Variants in YIPF4 observed in about 807,000 individuals in gnomAD.
The protein encoded by YIPF4 is Yip1 domain family member 4.
YIPF4 carries 18 observed loss-of-function variants against 29.4 expected under a neutral mutation model. The observed-to-expected ratio is 0.61, with a 90% CI of 0.42 to 0.91. YIPF4 has a LOEUF of 0.91. Ranked by LOEUF, YIPF4 falls within the 40% of genes least tolerant of loss-of-function variation. The pLI, the probability that YIPF4 is intolerant of heterozygous loss-of-function variation, is 0.00. For synonymous variants in YIPF4, 115 were observed against 104.7 expected, an observed-to-expected ratio of 1.10 and a Z score of -0.60; for missense variants, 279 against 282.7, an observed-to-expected ratio of 0.99 and a Z score of 0.09.
At position 32,278,223 on chromosome 2, in the gene YIPF4, C is replaced by T; in HGVS notation, c.68C>T (p.Ala23Val). Reference sequence around the variant, plus strand: ...GGGGACTTCACCTTTGTCTCCTCAGCAGACGCGGAAGGTGAGGCTGAGCCC... The same window carrying T: ...GGGGACTTCACCTTTGTCTCCTCAGTAGACGCGGAAGGTGAGGCTGAGCCC... ...TNGDFTFVSSADAEDLSGSIA... is the reference protein window; with the variant it reads ...TNGDFTFVSSVDAEDLSGSIA... Residue 23 changes from alanine to valine, a missense_variant, in exon 1 of 6, where the codon GCA (alanine) becomes GTA (valine). By Grantham distance (64) the Ala-to-Val change is moderately conservative. Transcript: ENST00000238831. 6.4e-7 allele frequency: 1 copy of T among 1,565,802 alleles called. No individual in the cohort carries two copies. Among genetic ancestry groups the T allele is most frequent in the South Asian group, 1.2e-5 (1 of 85,136 alleles).
intron 3 of YIPF4, among the ~76,000 whole-genome samples, chr2:32,297,517 C>T (rs1292250865): frequency 6.6e-6 from 1 of 151,970 alleles, no homozygotes; most frequent in Non-Finnish European, 1.5e-5. Context: ...CCTGTAATCC[C>T]AGCACTTTGG....
At chr2:32,297,154 C>T (rs1368025655) in intron 3 of YIPF4, among the ~76,000 whole-genome samples, 2 of 150,956 alleles carry the variant, frequency 1.3e-5, no homozygotes, top group Non-Finnish European at 2.9e-5. Flanking sequence ...AATGGTGTTT[C>T]ACTCTTGTCG....
chr2:32,306,120 TTAAATCTGATGCA>T lies in YIPF4; in HGVS notation c.*495_*507del, dbSNP rs1447488345. On this transcript the variant is annotated 3_prime_UTR_variant, in exon 6 of 6. Transcript: ENST00000238831. ...TATATTTCTGATAAACATTAAGATA[TTAAATCTGATGCA>T]CAAACTTTTTAATTTGGCCATTAAT... The T allele has an allele frequency of 2.2e-4, 170 of 769,160 alleles. No individual in the cohort carries two copies. The highest frequency in any genetic ancestry group is 2.5e-4 in the Non-Finnish European group (163 of 639,450). The allele number at this position is 769,160 out of a possible 1,614,324, so 47.6% of individuals were successfully genotyped here.
chr2:32,278,811 A>G (rs1054701019), intron 1 of YIPF4, among the ~76,000 whole-genome samples: 2 of 152,102 alleles, frequency 1.3e-5, no homozygotes, highest in Admixed American at 6.6e-5. Context: ...TTGGAAGTTT[A>G]GTGTAAACCA....
At chr2:32,294,844 C>A (rs971619285) in intron 3 of YIPF4, among the ~76,000 whole-genome samples, 3 of 152,262 alleles carry the variant, frequency 2.0e-5, no homozygotes, top group Admixed American at 2.0e-4. Flanking sequence ...GCTGGCGGAT[C>A]ACTCGTGGTT....
intron 5 of YIPF4, among the ~76,000 whole-genome samples, chr2:32,304,914 T>G (rs1162263001): frequency 6.6e-6 from 1 of 152,190 alleles, no homozygotes; most frequent in Non-Finnish European, 1.5e-5. Context: ...TGTGATCTTT[T>G]TATCTCCTTT....
Position 32,304,769 on chromosome 2 carries a change from T to G in YIPF4, c.598-720T>G, listed in dbSNP as rs766262424. ...CCCTGAATTTCCTTGAAGTTTTTCC[T>G]TAATTTTATGCTATAAAATGTGTTA... On this transcript the variant is annotated intron_variant, in intron 5 of 5. Coordinates refer to ENST00000238831, the MANE Select transcript of YIPF4 (RefSeq NM_032312.4). 4.7e-4 allele frequency among the ~76,000 whole-genome samples: 72 copies of G among 152,228 alleles called. 3 individuals are homozygous for G. Among genetic ancestry groups the G allele is most frequent in the Non-Finnish European group, 1.3e-4 (9 of 68,040 alleles).
rs2031794084 is a variant in YIPF4 at position 32,315,038 on chromosome 2, C to G, written c.*9412C>G. 1 of 152,172 alleles carries G rather than the reference C, an allele frequency of 6.6e-6. No individual in the cohort carries two copies. Among genetic ancestry groups the G allele is most frequent in the East Asian group, 1.9e-4 (1 of 5,188 alleles). The allele number at this position is 152,172 out of a possible 1,614,324, so 9.4% of individuals were successfully genotyped here. ...CGTAATAAATCCAAGGTTACATAAT[C>G]CATAACTGATATGGCAGTTTAACAG... On this transcript the variant is annotated 3_prime_UTR_variant, in exon 6 of 6. Transcript: ENST00000238831.
At position 32,278,179 on chromosome 2, in the gene YIPF4, G is replaced by T; in HGVS notation, c.24G>T (p.Pro8=). 6.4e-7 allele frequency: 1 copy of T among 1,571,158 alleles called. No homozygotes were observed. The highest frequency in any genetic ancestry group is 1.2e-5 in the South Asian group (1 of 85,776). The part of the protein sequence containing the change: MQPPGPP[P]AYAPTNGDFT... The stretch of plus-strand genomic sequence containing the variant: ...AGATGCAGCCTCCGGGCCCGCCCCC[G>T]GCCTATGCCCCCACTAACGGGGACT... The change falls in exon 1 of 6, where the codon CCG becomes CCT. Residue 8 remains proline (P), a synonymous_variant. Transcript: ENST00000238831.
chr2:32,278,302 T>A, intron 1 of YIPF4, 68 bp downstream of exon 1: 1 of 1,456,190 alleles, frequency 6.9e-7, no homozygotes, highest in East Asian at 2.7e-5. Flanking sequence ...AGGGTCTTTC[T>A]GGTGCCGAGG....
chr2:32,290,815 A>T (rs574553339), intron 2 of YIPF4, 179 bp downstream of exon 2: 17 of 339,398 alleles, frequency 5.0e-5, no homozygotes, highest in Non-Finnish European at 8.5e-5. Context: ...TTTTTAACCA[A>T]TTAAAAGACA....
In YIPF4 at chr2:32,312,307, T is replaced by G. The variant is rs575268531; in HGVS notation, c.*6681T>G. The G allele has an allele frequency of 9.3e-5, 14 of 150,998 alleles. No individual in the cohort carries two copies. The East Asian group carries it at 2.8e-3, about 30-fold the overall frequency. The allele number at this position is 150,998 out of a possible 1,614,324, so 9.4% of individuals were successfully genotyped here. ...ATCGAGACCATCCTGGCTAACACGG[T>G]GAAACCCTGACTCTACTAAAAATAC... On this transcript the variant is annotated 3_prime_UTR_variant, in exon 6 of 6. Coordinates refer to ENST00000238831, the MANE Select transcript of YIPF4 (RefSeq NM_032312.4).
At chr2:32,294,447 G>C (rs954972010) in intron 3 of YIPF4, among the ~76,000 whole-genome samples, 1 of 151,348 alleles carries the variant, frequency 6.6e-6, no homozygotes, top group Admixed American at 6.6e-5. Context: ...GGGCAAAGGC[G>C]CTCCCCACAT....
chr2:32,290,407 T>C, intron 1 of YIPF4, 76 bp from the exon 2 acceptor site: 3 of 1,119,806 alleles, frequency 2.7e-6, no homozygotes, highest in Non-Finnish European at 2.4e-6. Flanking sequence ...TTATTTTAGT[T>C]GAATATCTGC....
Position 32,290,609 on chromosome 2 carries a change from A to G in YIPF4, c.206A>G (p.Asp69Gly). The change falls in exon 2 of 6, where the codon GAT becomes GGT. Residue 69 changes from aspartate to glycine, a missense_variant. By Grantham distance (94) the Asp-to-Gly change is moderately conservative. Transcript: ENST00000238831. ...GGCTGGCTTCTGGAAGTTGAAGATG[A>G]TGATCCTGAAGATAACAAGCCACTC... ...GYGWLLEVED[D>G]DPEDNKPLLE... is the part of the protein sequence containing the mutation. 1.3e-6 allele frequency: 2 copies of G among 1,573,330 alleles called. No individual in the cohort carries two copies. Among genetic ancestry groups the G allele is most frequent in the African/African-American group, 1.4e-5 (1 of 73,064 alleles).
chr2:32,311,991 T>C lies in YIPF4; in HGVS notation c.*6365T>C, dbSNP rs1296393966. On this transcript the variant is annotated 3_prime_UTR_variant, in exon 6 of 6. Coordinates refer to ENST00000238831, the MANE Select transcript of YIPF4 (RefSeq NM_032312.4). ...TGGAATTAGTTCTCCATGTAAAGTA[T>C]CTTTTTAATAGTAAGCACCATTTAA... 1 of 152,228 alleles carries C rather than the reference T, an allele frequency of 6.6e-6. No homozygotes were observed. Among genetic ancestry groups the C allele is most frequent in the Non-Finnish European group, 1.5e-5 (1 of 68,032 alleles). 9.4% of individuals were successfully genotyped at this position (152,228 alleles called of 1,614,324 possible). A position where few individuals can be genotyped will look rare whatever the true frequency, so the allele number is the denominator to read the frequency against.
rs1347278231 is a variant in YIPF4 at position 32,316,242 on chromosome 2, C to G, written c.*10616C>G. Reference sequence around the variant, plus strand: ...TAAATTTAAATGGGCAAAGGAAATACTTGGACAATCATATCATGTATGTAA... The same window carrying G: ...TAAATTTAAATGGGCAAAGGAAATAGTTGGACAATCATATCATGTATGTAA... On this transcript the variant is annotated 3_prime_UTR_variant, in exon 6 of 6. Transcript: ENST00000238831. 1 of 152,002 alleles carries G rather than the reference C, an allele frequency of 6.6e-6. No homozygotes were observed. Among genetic ancestry groups the G allele is most frequent in the Non-Finnish European group, 1.5e-5 (1 of 68,002 alleles). 9.4% of individuals were successfully genotyped at this position (152,002 alleles called of 1,614,324 possible).
At chr2:32,282,866 G>A (rs1044983478) in intron 1 of YIPF4, among the ~76,000 whole-genome samples, 10 of 151,958 alleles carry the variant, frequency 6.6e-5, no homozygotes, top group African/African-American at 2.4e-4. Flanking sequence ...CACGAGGTCA[G>A]GAGATCAAGA....
Position 32,307,445 on chromosome 2 carries a change from G to A in YIPF4, c.*1819G>A, listed in dbSNP as rs1324838069. 6.2e-6 allele frequency: 1 copy of A among 161,124 alleles called. No individual in the cohort carries two copies. The highest frequency in any genetic ancestry group is 1.4e-5 in the Non-Finnish European group (1 of 72,644). The allele number at this position is 161,124 out of a possible 1,614,324, so 10.0% of individuals were successfully genotyped here. On this transcript the variant is annotated 3_prime_UTR_variant, in exon 6 of 6. Transcript: ENST00000238831. ...TTTAAAAATCACTTATATGGATCAT[G>A]TTTACTCCTAATGATATAAGATAAA...
Sources: allele counts gnomAD v4.1 joint callset (sites outside exome capture counted in the v4.1 genomes callset), GRCh38; gene constraint gnomAD v4.1.1; transcripts MANE v1.5; gene names NCBI Gene and HGNC (gene_info 2026-07-23, HGNC 2026-07-21).